The following KCNB2 variants were observed in gnomAD, a reference collection of about 807,000 sequenced individuals.
KCNB2 encodes the protein delayed rectifier potassium channel protein.
KCNB2 carries 15 observed loss-of-function variants against 61.5 expected under a neutral mutation model. That is an observed-to-expected ratio of 0.24 (90% CI 0.16 to 0.38). The LOEUF is 0.38. KCNB2 is among the 10% of genes least tolerant of loss of function. KCNB2 has a pLI of 1.00. For synonymous variants in KCNB2, 457 were observed against 446.0 expected, an observed-to-expected ratio of 1.02 and a Z score of -0.31; for missense variants, 828 against 1,125.2, an observed-to-expected ratio of 0.74 and a Z score of 3.78.
intron 2 of KCNB2, among the ~76,000 whole-genome samples, chr8:72,730,106 A>G (rs918562535): frequency 6.6e-6 from 1 of 152,106 alleles, no homozygotes; most frequent in Admixed American, 6.6e-5. Context: ...CCCACATAGG[A>G]AGCCCCCAAT....
In KCNB2 at chr8:72,859,707, G is replaced by GTTTTT. The variant is rs1187550622; in HGVS notation, c.580-76203_580-76199dup. Among the ~76,000 whole-genome samples, 15 of 42,026 alleles carry GTTTTT rather than the reference G, an allele frequency of 3.6e-4. 1 individual carries two copies. Among genetic ancestry groups the GTTTTT allele is most frequent in the East Asian group, 2.3e-3 (4 of 1,710 alleles). The allele number at this position is 42,026 out of a possible 152,430, so 27.6% of individuals were successfully genotyped here. A position where few individuals can be genotyped will look rare whatever the true frequency, so the allele number is the denominator to read the frequency against. ...GTAGCATGGATCAGTACTTCATTTCGTTTTTTTTTTTTTTTTTTTTTTTTT... is the reference window on the plus strand; with the variant it reads ...GTAGCATGGATCAGTACTTCATTTCGTTTTTTTTTTTTTTTTTTTTTTTTTTTTTT... On this transcript the variant is annotated intron_variant, in intron 2 of 2. Coordinates refer to ENST00000523207, the MANE Select transcript of KCNB2 (RefSeq NM_004770.3).
intron 1 of KCNB2, among the ~76,000 whole-genome samples, chr8:72,561,688 C>CTT (rs1344549518): frequency 0.15 from 4,588 of 30,698 alleles, 1,120 homozygotes; most frequent in Non-Finnish European, 0.21. Flanking sequence ...CAGGATCTTA[C>CTT]TTTTATATAT....
At chr8:72,645,839 A>G (rs1007129636) in intron 2 of KCNB2, among the ~76,000 whole-genome samples, 1 of 152,176 alleles carries the variant, frequency 6.6e-6, no homozygotes, top group Non-Finnish European at 1.5e-5. Context: ...AAATTTCTTC[A>G]TTAGTAAATG....
chr8:72,841,097 G>T (rs1809876090), intron 2 of KCNB2, among the ~76,000 whole-genome samples: 1 of 152,056 alleles, frequency 6.6e-6, no homozygotes, highest in South Asian at 2.1e-4. Context: ...GTAAGGAAAG[G>T]GTCTAGCTTC....
At chr8:72,671,965 G>C (rs888992163) in intron 2 of KCNB2, among the ~76,000 whole-genome samples, 1 of 152,184 alleles carries the variant, frequency 6.6e-6, no homozygotes, top group Non-Finnish European at 1.5e-5. Context: ...GTCCAGGACA[G>C]ATCAGTCTTG....
At chr8:72,633,124 C>T (rs1291200216) in intron 2 of KCNB2, among the ~76,000 whole-genome samples, 2 of 151,786 alleles carry the variant, frequency 1.3e-5, no homozygotes, top group African/African-American at 4.9e-5. Context: ...AAAGATCCTG[C>T]TTTCACGCTC....
chr8:72,566,466 A>G (rs1350843461), intron 1 of KCNB2, among the ~76,000 whole-genome samples: 2 of 152,014 alleles, frequency 1.3e-5, no homozygotes, highest in African/African-American at 4.8e-5. Context: ...TTGGGAGGCC[A>G]AGGCCAGCGG....
chr8:72,793,914 G>C (rs1808984497), intron 2 of KCNB2, among the ~76,000 whole-genome samples: 1 of 152,184 alleles, frequency 6.6e-6, no homozygotes. Context: ...ATTTCTCTAG[G>C]TGTTCCCCAT....
At chr8:72,568,792 G>T (rs1433599994) in intron 2 of KCNB2, among the ~76,000 whole-genome samples, 2 of 117,824 alleles carry the variant, frequency 1.7e-5, no homozygotes, top group Non-Finnish European at 4.3e-5. Flanking sequence ...AGCTCAGAGG[G>T]CAAGTGCCAC....
At chr8:72,753,896 T>A (rs1448954250) in intron 2 of KCNB2, among the ~76,000 whole-genome samples, 1 of 152,214 alleles carries the variant, frequency 6.6e-6, no homozygotes, top group Non-Finnish European at 1.5e-5. Flanking sequence ...CAATATGTTC[T>A]TGGTGATTTT....
chr8:72,589,831 T>C (rs759489991), intron 2 of KCNB2, among the ~76,000 whole-genome samples: 23 of 152,246 alleles, frequency 1.5e-4, no homozygotes, highest in Non-Finnish European at 2.9e-4. Flanking sequence ...CATCTGCAGA[T>C]GCTGCTTTCA....
chr8:72,549,726 C>T (rs1806315128), intron 1 of KCNB2, among the ~76,000 whole-genome samples: 1 of 152,196 alleles, frequency 6.6e-6, no homozygotes, highest in Admixed American at 6.5e-5. Flanking sequence ...CCACATCCTT[C>T]ACCACACGCC....
At chr8:72,604,505 A>G (rs895595859) in intron 2 of KCNB2, among the ~76,000 whole-genome samples, 1 of 152,204 alleles carries the variant, frequency 6.6e-6, no homozygotes, top group Non-Finnish European at 1.5e-5. Flanking sequence ...TTGAAAATAA[A>G]CAAATAATGT....
intron 2 of KCNB2, among the ~76,000 whole-genome samples, chr8:72,651,750 A>G (rs12677950): frequency 0.12 from 18,575 of 152,156 alleles, 1,634 homozygotes; most frequent in East Asian, 0.51. Context: ...GGAGAAATGT[A>G]ACATCAATTT....
At chr8:72,856,105 G>A (rs1263809888) in intron 2 of KCNB2, among the ~76,000 whole-genome samples, 2 of 152,050 alleles carry the variant, frequency 1.3e-5, no homozygotes, top group African/African-American at 4.8e-5. Flanking sequence ...CATGAATAGA[G>A]AGTGCTGACT....
intron 2 of KCNB2, among the ~76,000 whole-genome samples, chr8:72,733,815 T>A (rs912942035): frequency 3.3e-5 from 5 of 152,010 alleles, no homozygotes; most frequent in African/African-American, 4.8e-5. Context: ...GGAAGGCACC[T>A]GCTATGAGCA....
chr8:72,566,840 A>G (rs1196981354), intron 1 of KCNB2, among the ~76,000 whole-genome samples: 2 of 152,164 alleles, frequency 1.3e-5, no homozygotes, highest in Admixed American at 6.5e-5. Context: ...GTTAGGAGCT[A>G]TAATTGGTAA....
chr8:72,641,448 T>C (rs1427793826), intron 2 of KCNB2, among the ~76,000 whole-genome samples: 2 of 152,256 alleles, frequency 1.3e-5, no homozygotes, highest in Admixed American at 6.5e-5. Context: ...TTCTAGATGT[T>C]CTGACCTTTA....
intron 2 of KCNB2, among the ~76,000 whole-genome samples, chr8:72,871,928 C>A (rs1805625233): frequency 6.6e-6 from 1 of 152,198 alleles, no homozygotes; most frequent in Non-Finnish European, 1.5e-5. Flanking sequence ...ACTAGTGATT[C>A]TTGCTAGTAT....
Sources: gnomAD v4.1 joint callset for allele counts (sites outside exome capture counted in the v4.1 genomes callset) on GRCh38, gnomAD v4.1.1 for gene constraint, MANE v1.5 for transcripts, NCBI Gene and HGNC (gene_info 2026-07-23, HGNC 2026-07-21) for gene names.